Variants in ZNF777 observed in about 807,000 individuals in gnomAD.
The protein encoded by ZNF777 is zinc finger protein 777.
In ZNF777, 7 loss-of-function variants were observed where a neutral mutation model predicts 72.1. That is an observed-to-expected ratio of 0.10 (90% CI 0.06 to 0.18). The LOEUF is 0.18. Ranked by LOEUF, ZNF777 falls within the 10% of genes least tolerant of loss-of-function variation. ZNF777 has a pLI of 1.00. For synonymous variants in ZNF777, 545 were observed against 483.5 expected (o/e 1.13, Z -1.67); for missense variants, 828 against 1,128.6 (o/e 0.73, Z 3.82).
intron 5 of ZNF777, among the ~76,000 whole-genome samples, chr7:149,434,765 T>C (rs996413064): frequency 9.2e-5 from 14 of 152,036 alleles, no homozygotes; most frequent in Non-Finnish European, 1.8e-4. Context: ...ATACTTTTAG[T>C]AGAGATGGGG....
chr7:149,444,758 A>T (rs1799576240), intron 4 of ZNF777, among the ~76,000 whole-genome samples: 1 of 152,212 alleles, frequency 6.6e-6, no homozygotes, highest in Non-Finnish European at 1.5e-5. Flanking sequence ...GGCCATTCTA[A>T]TTCTCATTTC....
intron 1 of ZNF777, among the ~76,000 whole-genome samples, chr7:149,457,488 T>C (rs1317759858): frequency 2.0e-5 from 3 of 152,230 alleles, no homozygotes; most frequent in African/African-American, 4.8e-5. Context: ...GAGTAAATTG[T>C]TGAGTTACAA....
intron 3 of ZNF777, among the ~76,000 whole-genome samples, chr7:149,453,553 G>C (rs368152059): frequency 2.0e-5 from 3 of 152,092 alleles, no homozygotes; most frequent in Admixed American, 6.5e-5. Flanking sequence ...CAGACTTCGG[G>C]GTAAGGCAGA....
rs61005836 is a variant in ZNF777, at chr7:149,448,485, C to CTATATATA, written c.1087+2506_1087+2513dup. On this transcript the variant is annotated intron_variant, in intron 4 of 5. Transcript: ENST00000247930. ...GCTCCATCTCAAAAACAAAACAAAACTATATATATATATATATATATATAT... is the reference window on the plus strand; with the variant it reads ...GCTCCATCTCAAAAACAAAACAAAACTATATATATATATATATATATATATATATATAT... Among the ~76,000 whole-genome samples the CTATATATA allele has an allele frequency of 4.8e-4, 50 of 104,618 alleles. 1 individual carries two copies. The highest frequency in any genetic ancestry group is 2.2e-3 in the African/African-American group (43 of 19,412). 68.6% of individuals were successfully genotyped at this position (104,618 alleles called of 152,430 possible).
At chr7:149,447,995 T>C (rs1464002936) in intron 4 of ZNF777, among the ~76,000 whole-genome samples, 1 of 152,182 alleles carries the variant, frequency 6.6e-6, no homozygotes, top group Non-Finnish European at 1.5e-5. Context: ...AATAAACATA[T>C]GAGTGAAACT....
At chr7:149,441,810 T>A (rs1799520797) in intron 4 of ZNF777, among the ~76,000 whole-genome samples, 1 of 152,218 alleles carries the variant, frequency 6.6e-6, no homozygotes. Context: ...AATTTTCTTT[T>A]TGTTTTCTAG....
chr7:149,436,618 G>C lies in ZNF777; in HGVS notation c.1296C>G (p.Phe432Leu). 6.2e-7 allele frequency: 1 copy of C among 1,612,308 alleles called. No homozygotes were observed. Among genetic ancestry groups the C allele is most frequent in the Non-Finnish European group, 8.5e-7 (1 of 1,179,420 alleles). The change falls in exon 5 of 6, where the codon TTC (phenylalanine) becomes TTG (leucine). Residue 432 changes from phenylalanine (F) to leucine (L), a missense_variant. Phe to Leu is a conservative substitution (Grantham distance 22). Around this residue, in one of 12 missense-constraint regions of ZNF777, gnomAD observed 219 missense variants for 223.0 expected, o/e 0.98. Coordinates refer to ENST00000247930, the MANE Select transcript of ZNF777 (RefSeq NM_015694.3). This position sits in a 1 kb window ranked among gnomAD's most constrained non-coding sequence, Gnocchi z 5.0. ...GCACCAGCATCTGCTTCAGTTCGCTGAACTCGCTGGAGCCTTCCGTGGACT... is the reference window on the plus strand; with the variant it reads ...GCACCAGCATCTGCTTCAGTTCGCTCAACTCGCTGGAGCCTTCCGTGGACT... ...LEESTEGSSE[F>L]SELKQMLVQQ...
At chr7:149,442,500 AC>A (rs1799538176) in intron 4 of ZNF777, among the ~76,000 whole-genome samples, 2 of 151,208 alleles carry the variant, frequency 1.3e-5, no homozygotes, top group Admixed American at 1.3e-4. Flanking sequence ...GGCACCTGTA[AC>A]CCCAGCTACT....
chr7:149,448,151 A>G (rs1045000850), intron 4 of ZNF777, among the ~76,000 whole-genome samples: 12 of 152,096 alleles, frequency 7.9e-5, no homozygotes, highest in Non-Finnish European at 1.3e-4. Context: ...AAATGTAAGA[A>G]CATTTAAAAT....
At position 149,432,352 on chromosome 7, in the gene ZNF777, C is replaced by G; in HGVS notation, c.1920G>C (p.Glu640Asp). 6.2e-7 allele frequency: 1 copy of G among 1,612,252 alleles called. No individual in the cohort carries two copies. Among genetic ancestry groups the G allele is most frequent in the South Asian group, 1.1e-5 (1 of 91,086 alleles). The change falls in exon 6 of 6, where the codon GAG becomes GAC. Residue 640 changes from glutamate to aspartate, a missense_variant. Physicochemically the swap from Glu to Asp is conservative, Grantham distance 45. This residue lies in a region of ZNF777 where 100 missense variants were observed against 106.2 expected (regional missense o/e 0.94). Coordinates refer to ENST00000247930, the MANE Select transcript of ZNF777 (RefSeq NM_015694.3). ...GGGPKPYKCP[E>D]CDSSFSHKSS... ...ACTTGTGGCTGAAGCTGCTGTCGCA[C>G]TCGGGGCACTTGTAGGGCTTAGGGC...
At position 149,455,005 on chromosome 7, in the gene ZNF777, C is replaced by A. The variant is rs1799796423; in HGVS notation, c.846+172G>T. Among the ~76,000 whole-genome samples, 2 of 152,254 alleles carry A rather than the reference C, an allele frequency of 1.3e-5. No homozygotes were observed. The highest frequency in any genetic ancestry group is 1.3e-4 in the Admixed American group (2 of 15,288). The stretch of plus-strand genomic sequence containing the variant: ...GATCCCAGGGGCATTTCTGTACTAG[C>A]CTATACTCTCATCAACAGGAGAAAT... On this transcript the variant is annotated intron_variant, in intron 2 of 5. Transcript: ENST00000247930. The surrounding 1 kb of genome is among the most constrained non-coding windows in gnomAD (Gnocchi z 4.2).
rs1157852868 is a variant in ZNF777, at chr7:149,432,788, A to G, written c.1484T>C (p.Met495Thr). The G allele has an allele frequency of 3.7e-6, 6 of 1,608,662 alleles. No individual in the cohort carries two copies. Among genetic ancestry groups the G allele is most frequent in the Non-Finnish European group, 5.1e-6 (6 of 1,176,238 alleles). ...SMYQTPLPGE[M>T]SPEGEESPPP... is the part of the protein sequence containing the mutation. ...GGGGCTCTCCTCGCCCTCGGGGGAC[A>G]TCTCCCCGGGCAGCGGGGTCTGGTA... is the stretch of plus-strand genomic sequence containing the variant. Residue 495 changes from methionine to threonine, a missense_variant, in exon 6 of 6, where the codon ATG (methionine) becomes ACG (threonine). Physicochemically the swap from Met to Thr is moderately conservative, Grantham distance 81. Coordinates refer to ENST00000247930, the MANE Select transcript of ZNF777 (RefSeq NM_015694.3).
chr7:149,455,150 G>C lies in ZNF777; in HGVS notation c.846+27C>G. 6.3e-7 allele frequency: 1 copy of C among 1,588,452 alleles called. No individual in the cohort carries two copies. Among genetic ancestry groups the C allele is most frequent in the Non-Finnish European group, 8.6e-7 (1 of 1,169,296 alleles). On this transcript the variant is annotated intron_variant, in intron 2 of 5. Transcript: ENST00000247930. This position sits in a 1 kb window ranked among gnomAD's most constrained non-coding sequence, Gnocchi z 4.2. ...ACACTCCAATTCAGATCACTTCCTTGGGAAGCCCCAGTTGGGATGTGCTTA... is the reference window on the plus strand; with the variant it reads ...ACACTCCAATTCAGATCACTTCCTTCGGAAGCCCCAGTTGGGATGTGCTTA...
At position 149,432,196 on chromosome 7, in the gene ZNF777, G is replaced by A; in HGVS notation, c.2076C>T (p.Val692=). 6.2e-7 allele frequency: 1 copy of A among 1,605,670 alleles called. No individual in the cohort carries two copies. The highest frequency in any genetic ancestry group is 8.5e-7 in the Non-Finnish European group (1 of 1,179,794). ...TGCCGCACAGGCTGCAGATGAAGGA[G>A]ACCTCATGCTTGCCCGCGTGCACGC... The part of the protein sequence containing the change: ...HQRVHAGKHE[V]SFICSLCGKS... Residue 692 remains valine (V), a synonymous_variant, in exon 6 of 6, where the codon GTC becomes GTT. Transcript: ENST00000247930.
intron 1 of ZNF777, chr7:149,459,762 G>C: frequency 1.0e-6 from 1 of 984,908 alleles, no homozygotes; most frequent in Non-Finnish European, 1.2e-6. Context: ...CGCCCGGGCC[G>C]GGGAAGGCTC....
chr7:149,446,540 C>T (rs1799606423), intron 4 of ZNF777, among the ~76,000 whole-genome samples: 1 of 152,094 alleles, frequency 6.6e-6, no homozygotes, highest in Admixed American at 6.5e-5. Flanking sequence ...AGAAATATGG[C>T]TTTGGTATGT....
intron 4 of ZNF777, among the ~76,000 whole-genome samples, chr7:149,439,053 T>A (rs1351544471): frequency 6.6e-6 from 1 of 152,138 alleles, no homozygotes; most frequent in African/African-American, 2.4e-5. Flanking sequence ...CTTCCTACAC[T>A]GGCTCAAAGT....
intron 3 of ZNF777, among the ~76,000 whole-genome samples, chr7:149,452,284 AAC>A (rs1799735541): frequency 7.0e-6 from 1 of 142,504 alleles, no homozygotes; most frequent in Non-Finnish European, 1.5e-5. Flanking sequence ...CAAACAAACA[AAC>A]AAACAAAAAA....
intron 1 of ZNF777, among the ~76,000 whole-genome samples, chr7:149,457,857 T>C (rs1441386589): frequency 6.6e-6 from 1 of 152,206 alleles, no homozygotes; most frequent in African/African-American, 2.4e-5. Flanking sequence ...AGAGTTACTA[T>C]CCATACTTAG....
Sources: allele counts gnomAD v4.1 joint callset (sites outside exome capture counted in the v4.1 genomes callset), GRCh38; gene constraint gnomAD v4.1.1; regional missense constraint gnomAD v4.1.1; non-coding constraint Gnocchi (gnomAD v3.1); transcripts MANE v1.5; gene names NCBI Gene and HGNC (gene_info 2026-07-23, HGNC 2026-07-21).